Variants in CNTN4 observed in about 807,000 individuals in gnomAD.
CNTN4 encodes contactin-4.
CNTN4 carries 77 observed loss-of-function variants against 122.5 expected under a neutral mutation model. The ratio of observed to expected loss-of-function variants is 0.63; its 90% CI spans 0.52 to 0.76. The LOEUF (loss-of-function observed/expected upper bound fraction) is 0.76. CNTN4 is among the 30% of genes least tolerant of loss of function. The probability of loss-of-function intolerance (pLI) is 0.00; values close to 1 mark genes in which losing one functional copy is unlikely to be tolerated. For missense variants in CNTN4, 1,256 were observed against 1,259.1 expected, an observed-to-expected ratio of 1.00 and a Z score of 0.04; for synonymous variants, 512 against 447.0, an observed-to-expected ratio of 1.15 and a Z score of -1.83.
At chr3:2,317,846 C>CT (rs2043157672) in intron 2 of CNTN4, among the ~76,000 whole-genome samples, 1 of 152,110 alleles carries the variant, frequency 6.6e-6, no homozygotes, top group Non-Finnish European at 1.5e-5. Context: ...GCTGGCATCC[C>CT]TTTTTTTCTG....
At position 2,900,688 on chromosome 3, in the gene CNTN4, A is replaced by G. The variant is rs2094163582; in HGVS notation, c.944A>G (p.Gln315Arg). The change falls in exon 11 of 25, where the codon CAA becomes CGA. Residue 315 changes from glutamine (Q) to arginine (R), a missense_variant. By Grantham distance (43) the Gln-to-Arg change is conservative (BLOSUM62 1). Coordinates refer to ENST00000418658, the MANE Select transcript of CNTN4 (RefSeq NM_175607.3). Reference protein sequence around the residue: ...VARGQLTFYAQPNWIQKINDI... With the variant: ...VARGQLTFYARPNWIQKINDI... ...TTTGCTTTTTGGATGCCTATAGCTC[A>G]ACCTAATTGGATTCAAAAAATAAAT... 6.2e-7 allele frequency: 1 copy of G among 1,613,706 alleles called. No individual in the cohort carries two copies. The highest frequency in any genetic ancestry group is 8.5e-7 in the Non-Finnish European group (1 of 1,179,650).
intron 3 of CNTN4, among the ~76,000 whole-genome samples, chr3:2,456,977 T>A (rs1168297253): frequency 6.6e-6 from 1 of 152,146 alleles, no homozygotes; most frequent in Non-Finnish European, 1.5e-5. Context: ...GTGAATACTA[T>A]TATTATCTCT....
Position 2,204,337 on chromosome 3 carries a change from T to A in CNTN4, c.-145+103698T>A, listed in dbSNP as rs372522796. ...TAACAATGAATTAATTCCTTTGAAG[T>A]TATTATACACATTTAATAAAATTAT... On this transcript the variant is annotated intron_variant, in intron 2 of 24. Coordinates refer to ENST00000418658, the MANE Select transcript of CNTN4 (RefSeq NM_175607.3). Among the ~76,000 whole-genome samples, 3 of 152,312 alleles carry A rather than the reference T, an allele frequency of 2.0e-5. No homozygotes were observed. The East Asian group carries it at 5.8e-4, about 29-fold the overall frequency.
intron 7 of CNTN4, among the ~76,000 whole-genome samples, chr3:2,844,135 G>C (rs903172231): frequency 2.0e-5 from 3 of 152,148 alleles, no homozygotes; most frequent in Non-Finnish European, 4.4e-5. Flanking sequence ...GAGTCCCCCA[G>C]ATACCTCGTG....
At chr3:2,875,816 T>C (rs934697854) in intron 8 of CNTN4, among the ~76,000 whole-genome samples, 6 of 152,174 alleles carry the variant, frequency 3.9e-5, no homozygotes, top group African/African-American at 1.4e-4. Context: ...GGATAACTTT[T>C]TAGTAGGAAA....
At chr3:2,880,970 C>T (rs1031206157) in intron 8 of CNTN4, among the ~76,000 whole-genome samples, 1 of 152,152 alleles carries the variant, frequency 6.6e-6, no homozygotes, top group Non-Finnish European at 1.5e-5. Flanking sequence ...AATTAATACC[C>T]AGATTAAGGT....
chr3:2,905,912 A>G (rs929246187), intron 12 of CNTN4, among the ~76,000 whole-genome samples: 1 of 152,218 alleles, frequency 6.6e-6, no homozygotes, highest in African/African-American at 2.4e-5. Context: ...CACATAGAGA[A>G]TCTTCAGTGC....
intron 3 of CNTN4, among the ~76,000 whole-genome samples, chr3:2,346,902 A>G (rs1015390862): frequency 2.0e-5 from 3 of 152,152 alleles, no homozygotes; most frequent in Non-Finnish European, 4.4e-5. Flanking sequence ...TTTATTATTT[A>G]TGTGAATATT....
intron 7 of CNTN4, among the ~76,000 whole-genome samples, chr3:2,833,985 A>T (rs1559556392): frequency 6.6e-6 from 1 of 151,918 alleles, no homozygotes; most frequent in Non-Finnish European, 1.5e-5. Flanking sequence ...CTAAAAAGAA[A>T]AATACAAAAA....
At chr3:2,675,709 G>A (rs2150419627) in intron 4 of CNTN4, among the ~76,000 whole-genome samples, 1 of 152,232 alleles carries the variant, frequency 6.6e-6, no homozygotes, top group Middle Eastern at 3.4e-3. Context: ...AAATAACAGA[G>A]GGAAAGCATC....
At chr3:2,221,996 C>T (rs1027145145) in intron 2 of CNTN4, among the ~76,000 whole-genome samples, 8 of 152,130 alleles carry the variant, frequency 5.3e-5, no homozygotes, top group African/African-American at 1.9e-4. Flanking sequence ...CTTAACAATT[C>T]CTCAAAATGC....
At chr3:2,317,667 A>G (rs1221259572) in intron 2 of CNTN4, among the ~76,000 whole-genome samples, 1 of 152,146 alleles carries the variant, frequency 6.6e-6, no homozygotes, top group Non-Finnish European at 1.5e-5. Context: ...TTAATCTGTC[A>G]ATTTTTCTCA....
chr3:2,358,283 C>A (rs2044960277), intron 3 of CNTN4, among the ~76,000 whole-genome samples: 1 of 152,144 alleles, frequency 6.6e-6, no homozygotes, highest in African/African-American at 2.4e-5. Flanking sequence ...GTTTTTGCAA[C>A]TACAACATGC....
chr3:2,735,699 G>A (rs2089034999), intron 4 of CNTN4, among the ~76,000 whole-genome samples: 2 of 152,138 alleles, frequency 1.3e-5, no homozygotes, highest in Admixed American at 6.5e-5. Context: ...TTCTTTATTT[G>A]CATACATAGT....
At chr3:2,696,674 C>G (rs2086051048) in intron 4 of CNTN4, among the ~76,000 whole-genome samples, 1 of 152,178 alleles carries the variant, frequency 6.6e-6, no homozygotes, top group Non-Finnish European at 1.5e-5. Context: ...GGGACTGAGA[C>G]AGTATAGTTA....
chr3:2,286,940 C>A (rs1024072759), intron 2 of CNTN4, among the ~76,000 whole-genome samples: 4 of 152,106 alleles, frequency 2.6e-5, no homozygotes, highest in Admixed American at 2.0e-4. Flanking sequence ...TTTGATTGTA[C>A]CCCTGAGATG....
intron 4 of CNTN4, among the ~76,000 whole-genome samples, chr3:2,630,045 C>G (rs1386586506): frequency 6.6e-6 from 1 of 152,186 alleles, no homozygotes; most frequent in Admixed American, 6.5e-5. Flanking sequence ...TTCATTGGAA[C>G]ACACAACCAT....
At chr3:2,567,300 A>G (rs923420776) in intron 3 of CNTN4, among the ~76,000 whole-genome samples, 2 of 151,964 alleles carry the variant, frequency 1.3e-5, no homozygotes, top group Non-Finnish European at 2.9e-5. Flanking sequence ...GTTAGCCAGG[A>G]TGGTCTTGAT....
chr3:2,165,944 A>G lies in CNTN4; in HGVS notation c.-145+65305A>G, dbSNP rs115158066. On this transcript the variant is annotated intron_variant, in intron 2 of 24. Coordinates refer to ENST00000418658, the MANE Select transcript of CNTN4 (RefSeq NM_175607.3). ...TTATATGCTATATTTTATATATACCACAATTGTGATGGGTGTACCACAATT... is the reference window on the plus strand; with the variant it reads ...TTATATGCTATATTTTATATATACCGCAATTGTGATGGGTGTACCACAATT... 7.6e-3 allele frequency among the ~76,000 whole-genome samples: 1,164 copies of G among 152,228 alleles called. 10 individuals carry two copies. The highest frequency in any genetic ancestry group is 0.026 in the African/African-American group (1,099 of 41,526).
Sources: gnomAD v4.1 joint callset for allele counts (sites outside exome capture counted in the v4.1 genomes callset) on GRCh38, gnomAD v4.1.1 for gene constraint, MANE v1.5 for transcripts, NCBI Gene and HGNC (gene_info 2026-07-23, HGNC 2026-07-21) for gene names.